SUPT20HL1: variants seen among roughly 807,000 people sequenced by gnomAD.
The protein encoded by SUPT20HL1 is transcription factor SPT20 homolog-like 1.
For missense variants in SUPT20HL1, 277 were observed against 200.3 expected (o/e 1.38, Z -2.31); for synonymous variants, 133 against 79.2 (o/e 1.68, Z -3.61).
chrX:24,367,244 T>C lies in SUPT20HL1; in HGVS notation c.*1820T>C, dbSNP rs1400882511. On this transcript the variant is annotated 3_prime_UTR_variant, in exon 1 of 1. Coordinates refer to ENST00000686983, the MANE Select transcript of SUPT20HL1 (RefSeq NM_001136234.3). ...AGACAGTTGGTTTTTGTCTGCCTTT[T>C]GGCTGTCGTGCATAGGGCTGCTGTC... 8.9e-6 allele frequency among the ~76,000 whole-genome samples: 1 copy of C among 112,781 alleles called. No homozygotes were observed. The highest frequency in any genetic ancestry group is 1.9e-5 in the Non-Finnish European group (1 of 53,398).
rs1472615063 is a variant in SUPT20HL1, at chrX:24,364,915, C to T, written c.2155C>T (p.His719Tyr). ...LQQLQQPTAAHPPQPGPQGSA... is the reference protein window; with the variant it reads ...LQQLQQPTAAYPPQPGPQGSA... ...GCAGCTCCAGCAGCCCACAGCTGCTCATCCTCCTCAGCCAGGGCCACAGGG... is the reference window on the plus strand; with the variant it reads ...GCAGCTCCAGCAGCCCACAGCTGCTTATCCTCCTCAGCCAGGGCCACAGGG... Residue 719 changes from histidine (H) to tyrosine (Y), a missense_variant, in exon 1 of 1, where the codon CAT (histidine) becomes TAT (tyrosine). Transcript: ENST00000686983. The T allele has an allele frequency of 2.6e-6, 1 of 387,549 alleles. No individual in the cohort carries two copies. The highest frequency in any genetic ancestry group is 2.5e-5 in the Admixed American group (1 of 39,688). The allele number at this position is 387,549 out of a possible 1,213,427, so 31.9% of individuals were successfully genotyped here.
Position 24,365,619 on chromosome X carries a change from C to T in SUPT20HL1, c.*195C>T, listed in dbSNP as rs1359548201. On this transcript the variant is annotated 3_prime_UTR_variant, in exon 1 of 1. Coordinates refer to ENST00000686983, the MANE Select transcript of SUPT20HL1 (RefSeq NM_001136234.3). Reference sequence around the variant, plus strand: ...GATTTCCTAAAGGAGCGTTGTTTTGCTTAAGTTACTCTTTTTGTTGTCATT... The same window carrying T: ...GATTTCCTAAAGGAGCGTTGTTTTGTTTAAGTTACTCTTTTTGTTGTCATT... Among the ~76,000 whole-genome samples, 1 of 111,339 alleles carries T rather than the reference C, an allele frequency of 9.0e-6. No homozygotes were observed. Among genetic ancestry groups the T allele is most frequent in the African/African-American group, 3.3e-5 (1 of 30,562 alleles).
Position 24,361,248 on chromosome X carries a change from G to A in SUPT20HL1, c.-1513G>A, listed in dbSNP as rs1350333421. ...TACTCCCACTCAAATCCTCTCCTCCGGGAATGCTTTTGGGGAAACCCAAGT... is the reference window on the plus strand; with the variant it reads ...TACTCCCACTCAAATCCTCTCCTCCAGGAATGCTTTTGGGGAAACCCAAGT... On this transcript the variant is annotated 5_prime_UTR_variant, in exon 1 of 1. Transcript: ENST00000686983. Among the ~76,000 whole-genome samples the A allele has an allele frequency of 1.8e-5, 2 of 112,408 alleles. No individual in the cohort carries two copies. The highest frequency in any genetic ancestry group is 2.8e-4 in the East Asian group (1 of 3,573).
rs775119455 is a variant in SUPT20HL1, at chrX:24,362,097, G to C, written c.-664G>C. On this transcript the variant is annotated 5_prime_UTR_variant, in exon 1 of 1. The change abolishes the stop of an existing upstream ORF in the 5' untranslated region. Coordinates refer to ENST00000686983, the MANE Select transcript of SUPT20HL1 (RefSeq NM_001136234.3). ...CGACAGCGGCATTCCTGTGGAAACT[G>C]ATGTCTATGCACGGTGCGAAAGATA... Among the ~76,000 whole-genome samples, 1 of 112,782 alleles carries C rather than the reference G, an allele frequency of 8.9e-6. No individual in the cohort carries two copies. Among genetic ancestry groups the C allele is most frequent in the Non-Finnish European group, 1.9e-5 (1 of 53,320 alleles).
Position 24,366,271 on chromosome X carries a change from G to A in SUPT20HL1, c.*847G>A, listed in dbSNP as rs756973911. On this transcript the variant is annotated 3_prime_UTR_variant, in exon 1 of 1. Transcript: ENST00000686983. Reference sequence around the variant, plus strand: ...AGAAGAATTCTGAAAGAGTGTAATCGTATTTAGATTAATAGGTTTATGTAC... The same window carrying A: ...AGAAGAATTCTGAAAGAGTGTAATCATATTTAGATTAATAGGTTTATGTAC... Among the ~76,000 whole-genome samples the A allele has an allele frequency of 3.6e-5, 4 of 111,772 alleles. No individual in the cohort carries two copies. Among genetic ancestry groups the A allele is most frequent in the South Asian group, 3.7e-4 (1 of 2,679 alleles).
chrX:24,367,408 AAAG>A lies in SUPT20HL1; in HGVS notation c.*1988_*1990del, dbSNP rs912854013. Among the ~76,000 whole-genome samples, 2 of 112,546 alleles carry A rather than the reference AAAG, an allele frequency of 1.8e-5. No homozygotes were observed. Among genetic ancestry groups the A allele is most frequent in the African/African-American group, 6.5e-5 (2 of 30,974 alleles). The stretch of plus-strand genomic sequence containing the variant: ...TCTGCCTTTTGCCTTAACGAAATGA[AAAG>A]AAGTTTGGTCTGGCAGTTCCAAAAG... On this transcript the variant is annotated 3_prime_UTR_variant, in exon 1 of 1. Transcript: ENST00000686983.
rs773329736 is a variant in SUPT20HL1, at chrX:24,363,660, G to A, written c.900G>A (p.Leu300=). ...CGTGGAAAGGCAGACCCTGTGATTTGGCCGTGCCTTCAGAAGTGGATGTGG... is the reference window on the plus strand; with the variant it reads ...CGTGGAAAGGCAGACCCTGTGATTTAGCCGTGCCTTCAGAAGTGGATGTGG... ...VDTWKGRPCD[L]AVPSEVDVEK... Residue 300 remains leucine (L), a synonymous_variant, in exon 1 of 1, where the codon TTG becomes TTA. Transcript: ENST00000686983. 5.2e-6 allele frequency: 2 copies of A among 387,120 alleles called. No homozygotes were observed. The allele number at this position is 387,120 out of a possible 1,213,427, so 31.9% of individuals were successfully genotyped here. A position where few individuals can be genotyped will look rare whatever the true frequency, so the allele number is the denominator to read the frequency against.
Position 24,364,945 on chromosome X carries a change from G to A in SUPT20HL1, c.2185G>A (p.Ala729Thr), listed in dbSNP as rs754650177. ...HPPQPGPQGS[A>T]LGLSTQGQAF... is the part of the protein sequence containing the mutation. ...TCCTCAGCCAGGGCCACAGGGTTCC[G>A]CACTAGGTTTGAGCACGCAAGGGCA... Residue 729 changes from alanine to threonine, a missense_variant, in exon 1 of 1, where the codon GCA (alanine) becomes ACA (threonine). By Grantham distance (58) the Ala-to-Thr change is moderately conservative. Transcript: ENST00000686983. 3.6e-5 allele frequency: 14 copies of A among 385,312 alleles called. No individual in the cohort carries two copies. Among genetic ancestry groups the A allele is most frequent in the East Asian group, 1.5e-4 (2 of 13,337 alleles). 31.8% of individuals were successfully genotyped at this position (385,312 alleles called of 1,213,427 possible).
rs903024527 is a variant in SUPT20HL1, at chrX:24,363,634, A to G, written c.874A>G (p.Thr292Ala). The G allele has an allele frequency of 2.6e-6, 1 of 385,695 alleles. No homozygotes were observed. Among genetic ancestry groups the G allele is most frequent in the African/African-American group, 2.5e-5 (1 of 39,267 alleles). 31.8% of individuals were successfully genotyped at this position (385,695 alleles called of 1,213,427 possible). ...NIAKAGSCVD[T>A]WKGRPCDLAV... ...TGCTAAAGCAGGAAGTTGTGTAGAC[A>G]CGTGGAAAGGCAGACCCTGTGATTT... The change falls in exon 1 of 1, where the codon ACG becomes GCG. Residue 292 changes from threonine (T) to alanine (A), a missense_variant. Transcript: ENST00000686983.
Position 24,362,235 on chromosome X carries a change from T to G in SUPT20HL1, c.-526T>G, listed in dbSNP as rs1939431995. 8.9e-6 allele frequency among the ~76,000 whole-genome samples: 1 copy of G among 112,805 alleles called. No homozygotes were observed. The highest frequency in any genetic ancestry group is 1.9e-5 in the Non-Finnish European group (1 of 53,341). The stretch of plus-strand genomic sequence containing the variant: ...GACCCGGAAGTGCGGTGGGTGAGCC[T>G]TGCGCCCAGGAGGCTAGAGATGCAG... On this transcript the variant is annotated 5_prime_UTR_variant, in exon 1 of 1. Coordinates refer to ENST00000686983, the MANE Select transcript of SUPT20HL1 (RefSeq NM_001136234.3).
At position 24,363,775 on chromosome X, in the gene SUPT20HL1, T is replaced by C. The variant is rs1270466265; in HGVS notation, c.1015T>C (p.Phe339Leu). ...PAQEVEDPFG[F>L]ALEAGCQAWD... is the part of the protein sequence containing the mutation. ...CCAGGAGGTAGAAGACCCTTTTGGA[T>C]TTGCGTTGGAAGCTGGCTGTCAGGC... is the stretch of plus-strand genomic sequence containing the variant. Residue 339 changes from phenylalanine to leucine, a missense_variant, in exon 1 of 1, where the codon TTT (phenylalanine) becomes CTT (leucine). Coordinates refer to ENST00000686983, the MANE Select transcript of SUPT20HL1 (RefSeq NM_001136234.3). The C allele has an allele frequency of 5.2e-5, 20 of 387,470 alleles. No individual in the cohort carries two copies. Among genetic ancestry groups the C allele is most frequent in the South Asian group, 3.5e-4 (15 of 42,690 alleles). 31.9% of individuals were successfully genotyped at this position (387,470 alleles called of 1,213,427 possible). A position where few individuals can be genotyped will look rare whatever the true frequency, so the allele number is the denominator to read the frequency against.
chrX:24,362,646 T>G lies in SUPT20HL1; in HGVS notation c.-115T>G. On this transcript the variant is annotated 5_prime_UTR_variant, in exon 1 of 1. Transcript: ENST00000686983. ...GGGCAGATGCCCACGTTGAACTCAG[T>G]GTGGACTTGTGGCATCTTGCGGGCC... The G allele has an allele frequency of 2.8e-6, 1 of 361,872 alleles. No individual in the cohort carries two copies. The highest frequency in any genetic ancestry group is 7.7e-5 in the East Asian group (1 of 13,071). 29.8% of individuals were successfully genotyped at this position (361,872 alleles called of 1,213,427 possible).
rs1393942759 is a variant in SUPT20HL1, at chrX:24,362,006, G to T, written c.-755G>T. ...AGCAGCCTTGCAACTGATGGCAAGA[G>T]ATTCCAAAAGTGCCAACAATTGTTG... On this transcript the variant is annotated 5_prime_UTR_variant, in exon 1 of 1. Coordinates refer to ENST00000686983, the MANE Select transcript of SUPT20HL1 (RefSeq NM_001136234.3). Among the ~76,000 whole-genome samples the T allele has an allele frequency of 8.9e-6, 1 of 112,432 alleles. No individual in the cohort carries two copies. Among genetic ancestry groups the T allele is most frequent in the Non-Finnish European group, 1.9e-5 (1 of 53,293 alleles).
Position 24,363,753 on chromosome X carries a change from G to C in SUPT20HL1, c.993G>C (p.Gln331His), listed in dbSNP as rs778918637. ...CACAGCTCCCAGTCTGGCCAGCCCA[G>C]GAGGTAGAAGACCCTTTTGGATTTG... The part of the protein sequence containing the change: ...ADPQLPVWPA[Q>H]EVEDPFGFAL... Residue 331 changes from glutamine to histidine, a missense_variant, in exon 1 of 1, where the codon CAG (glutamine) becomes CAC (histidine). By Grantham distance (24) the Gln-to-His change is conservative. Coordinates refer to ENST00000686983, the MANE Select transcript of SUPT20HL1 (RefSeq NM_001136234.3). 4.9e-5 allele frequency: 19 copies of C among 386,024 alleles called. No homozygotes were observed. The highest frequency in any genetic ancestry group is 4.5e-4 in the South Asian group (19 of 42,552). 31.8% of individuals were successfully genotyped at this position (386,024 alleles called of 1,213,427 possible).
At position 24,362,276 on chromosome X, in the gene SUPT20HL1, C is replaced by T. The variant is rs1289578992; in HGVS notation, c.-485C>T. Among the ~76,000 whole-genome samples the T allele has an allele frequency of 8.9e-6, 1 of 112,838 alleles. No individual in the cohort carries two copies. The highest frequency in any genetic ancestry group is 1.9e-5 in the Non-Finnish European group (1 of 53,312). ...AGAGATGCAGGAGCCCCAGAACCTG[C>T]GGTGCAGCGAGTGCACATGCGCATA... On this transcript the variant is annotated 5_prime_UTR_variant, in exon 1 of 1. Coordinates refer to ENST00000686983, the MANE Select transcript of SUPT20HL1 (RefSeq NM_001136234.3).
In SUPT20HL1 at chrX:24,361,129, C is replaced by T. The variant is rs1024873104; in HGVS notation, c.-1632C>T. ...GACCAGTTGTCTGGAGCCGCTTGTG[C>T]TCAGGAATACGTCTCTCATTGTCTG... On this transcript the variant is annotated 5_prime_UTR_variant, in exon 1 of 1. Transcript: ENST00000686983. Among the ~76,000 whole-genome samples, 3 of 112,548 alleles carry T rather than the reference C, an allele frequency of 2.7e-5. No individual in the cohort carries two copies. The highest frequency in any genetic ancestry group is 9.4e-5 in the Admixed American group (1 of 10,660).
At position 24,366,247 on chromosome X, in the gene SUPT20HL1, G is replaced by T. The variant is rs1481235998; in HGVS notation, c.*823G>T. Among the ~76,000 whole-genome samples the T allele has an allele frequency of 2.7e-5, 3 of 112,029 alleles. No individual in the cohort carries two copies. Among genetic ancestry groups the T allele is most frequent in the Non-Finnish European group, 5.6e-5 (3 of 53,186 alleles). On this transcript the variant is annotated 3_prime_UTR_variant, in exon 1 of 1. Coordinates refer to ENST00000686983, the MANE Select transcript of SUPT20HL1 (RefSeq NM_001136234.3). The stretch of plus-strand genomic sequence containing the variant: ...TATGAATTCTGAGAAACCTCTTTCA[G>T]AAGAATTCTGAAAGAGTGTAATCGT...
chrX:24,366,638 T>C lies in SUPT20HL1; in HGVS notation c.*1214T>C, dbSNP rs1216394296. ...ATTTTATTGGTTTGCTTTTCAAATA[T>C]CTGTAGCCTTGTTTCTTAAGTAGAA... is the stretch of plus-strand genomic sequence containing the variant. On this transcript the variant is annotated 3_prime_UTR_variant, in exon 1 of 1. Transcript: ENST00000686983. Among the ~76,000 whole-genome samples the C allele has an allele frequency of 1.9e-5, 2 of 103,068 alleles. No homozygotes were observed. The highest frequency in any genetic ancestry group is 3.8e-5 in the African/African-American group (1 of 26,521). The allele number at this position is 103,068 out of a possible 115,157, so 89.5% of individuals were successfully genotyped here.
In SUPT20HL1 at chrX:24,367,277, G is replaced by T. The variant is rs1939490775; in HGVS notation, c.*1853G>T. 8.9e-6 allele frequency among the ~76,000 whole-genome samples: 1 copy of T among 112,325 alleles called. No homozygotes were observed. The highest frequency in any genetic ancestry group is 3.2e-5 in the African/African-American group (1 of 30,892). ...GTGCATAGGGCTGCTGTCAACATTT[G>T]TGTAGAAGTATTTGTTTTAGTGCCT... is the stretch of plus-strand genomic sequence containing the variant. On this transcript the variant is annotated 3_prime_UTR_variant, in exon 1 of 1. Transcript: ENST00000686983.
Sources: allele counts gnomAD v4.1 joint callset (sites outside exome capture counted in the v4.1 genomes callset), GRCh38; gene constraint gnomAD v4.1.1; transcripts MANE v1.5; gene names NCBI Gene and HGNC (gene_info 2026-07-23, HGNC 2026-07-21).